The following MBNL3 variants were observed in gnomAD, a reference collection of about 807,000 sequenced individuals.
MBNL3 encodes the protein muscleblind like splicing regulator 3.
A neutral mutation model predicts 24.5 loss-of-function variants in MBNL3; 6 were observed. That is an observed-to-expected ratio of 0.25 (90% CI 0.13 to 0.48). The LOEUF is 0.48. Among genes scored for constraint, MBNL3 ranks in the 20% least tolerant of loss-of-function variants. MBNL3 has a pLI of 0.99. For synonymous variants in MBNL3, 100 were observed against 101.7 expected, an observed-to-expected ratio of 0.98 and a Z score of 0.10; for missense variants, 230 against 293.5, an observed-to-expected ratio of 0.78 and a Z score of 1.58.
At chrX:132,420,220 A>G (rs1196025644) in intron 2 of MBNL3, among the ~76,000 whole-genome samples, 1 of 112,265 alleles carries the variant, frequency 8.9e-6, no homozygotes, top group Admixed American at 9.4e-5. Context: ...TCCGGGCACT[A>G]GCCATGCAGG....
At position 132,378,483 on chromosome X, in the gene MBNL3, T is replaced by C. The variant is rs1276480905; in HGVS notation, c.*1183A>G. On this transcript the variant is annotated 3_prime_UTR_variant, in exon 9 of 9. Transcript: ENST00000370853. ...TTTTGCTAGATTGCATCTTACTTGT[T>C]ATTCAAAGAGTAGTCTAAAGAGCAT... is the stretch of plus-strand genomic sequence containing the variant. 2 of 111,809 alleles carry C rather than the reference T, an allele frequency of 1.8e-5. No individual in the cohort carries two copies. 9.2% of individuals were successfully genotyped at this position (111,809 alleles called of 1,213,427 possible).
intron 2 of MBNL3, chrX:132,411,300 G>C: frequency 1.3e-6 from 1 of 753,860 alleles, no homozygotes; most frequent in Non-Finnish European, 1.6e-6. Context: ...GAGAAGCTGG[G>C]GTGAGAGCAG....
At chrX:132,397,853 C>T (rs1330013819) in intron 3 of MBNL3, among the ~76,000 whole-genome samples, 2 of 110,637 alleles carry the variant, frequency 1.8e-5, no homozygotes, top group African/African-American at 6.6e-5. Context: ...AGTAATGTTC[C>T]GTGGGGACTG....
At chrX:132,426,136 A>G (rs1944286686) in intron 2 of MBNL3, among the ~76,000 whole-genome samples, 1 of 112,177 alleles carries the variant, frequency 8.9e-6, no homozygotes, top group African/African-American at 3.2e-5. Context: ...AAGTGTTTCA[A>G]CAATCTCATG....
intron 2 of MBNL3, among the ~76,000 whole-genome samples, chrX:132,437,162 G>T (rs1207777440): frequency 9.0e-6 from 1 of 111,207 alleles, no homozygotes; most frequent in Non-Finnish European, 1.9e-5. Flanking sequence ...TGGAATTACT[G>T]ACCTGAGTTT....
chrX:132,412,023 C>G (rs748983199), intron 2 of MBNL3, among the ~76,000 whole-genome samples: 72 of 111,874 alleles, frequency 6.4e-4, no homozygotes, highest in Non-Finnish European at 7.3e-4. Flanking sequence ...GAGGCTGCCC[C>G]TGGTTGTCTG....
At chrX:132,420,028 G>A (rs1400263443) in intron 2 of MBNL3, among the ~76,000 whole-genome samples, 1 of 111,079 alleles carries the variant, frequency 9.0e-6, no homozygotes, top group Non-Finnish European at 1.9e-5. Flanking sequence ...CTAAGATGGT[G>A]GCCGGCCACT....
At chrX:132,402,841 C>G (rs191369765) in intron 3 of MBNL3, among the ~76,000 whole-genome samples, 2 of 111,903 alleles carry the variant, frequency 1.8e-5, no homozygotes, top group East Asian at 5.6e-4. Flanking sequence ...GGTTGACATT[C>G]CCTTTATCTA....
Position 132,373,525 on chromosome X carries a change from T to G in MBNL3, c.*6141A>C, listed in dbSNP as rs1235994727. 8.9e-6 allele frequency: 1 copy of G among 111,794 alleles called. No homozygotes were observed. The highest frequency in any genetic ancestry group is 1.9e-5 in the Non-Finnish European group (1 of 53,038). 9.2% of individuals were successfully genotyped at this position (111,794 alleles called of 1,213,427 possible). A position where few individuals can be genotyped will look rare whatever the true frequency, so the allele number is the denominator to read the frequency against. On this transcript the variant is annotated 3_prime_UTR_variant, in exon 9 of 9. Coordinates refer to ENST00000370853, the MANE Select transcript of MBNL3 (RefSeq NM_001386889.1). ...TGAGGTATTGGACAACTGTAAGGCT[T>G]GGATTGCTTTCTGGCTTTGGCTTAT...
At chrX:132,396,333 T>C in intron 3 of MBNL3, among the ~76,000 whole-genome samples, 1 of 65,844 alleles carries the variant, frequency 1.5e-5, no homozygotes, top group South Asian at 5.7e-4. Context: ...TTCATATATA[T>C]TCATATATAT....
intron 2 of MBNL3, among the ~76,000 whole-genome samples, chrX:132,416,549 A>G (rs1056248347): frequency 9.0e-6 from 1 of 111,470 alleles, no homozygotes; most frequent in African/African-American, 3.3e-5. Context: ...AGTTAATAAC[A>G]ATTTATTGTA....
rs761905529 is a variant in MBNL3, at chrX:132,439,495, A to G, written c.117T>C (p.His39=). ...TTTCCACATGGCAAACTCTTGGTGG[A>G]TGGGCAAACTTGCAATCTGCATCAG... is the stretch of plus-strand genomic sequence containing the variant. ...SRADADCKFA[H]PPRVCHVENG... is the part of the protein sequence containing the mutation. Residue 39 remains histidine, a synonymous_variant, in exon 2 of 9, where the codon CAT becomes CAC. Coordinates refer to ENST00000370853, the MANE Select transcript of MBNL3 (RefSeq NM_001386889.1). 30 of 1,206,853 alleles carry G rather than the reference A, an allele frequency of 2.5e-5. No homozygotes were observed. Among genetic ancestry groups the G allele is most frequent in the Non-Finnish European group, 3.4e-5 (30 of 893,947 alleles).
At chrX:132,444,901 C>T (rs1945616499) in intron 1 of MBNL3, among the ~76,000 whole-genome samples, 1 of 111,589 alleles carries the variant, frequency 9.0e-6, no homozygotes, top group African/African-American at 3.3e-5. Context: ...CTAATGGAAA[C>T]AGTAACTTGT....
At chrX:132,438,909 C>T (rs759490195) in intron 2 of MBNL3, among the ~76,000 whole-genome samples, 21 of 108,781 alleles carry the variant, frequency 1.9e-4, no homozygotes, top group Admixed American at 1.4e-3. Flanking sequence ...TACTTTGAGA[C>T]GCTTCAAAAT....
intron 5 of MBNL3, among the ~76,000 whole-genome samples, chrX:132,388,177 C>T (rs1369058740): frequency 9.0e-6 from 1 of 111,388 alleles, no homozygotes; most frequent in Non-Finnish European, 1.9e-5. Context: ...ACTGTCAGTG[C>T]ACACACTGTG....
At chrX:132,388,881 C>T (rs1214578773) in intron 5 of MBNL3, among the ~76,000 whole-genome samples, 1 of 111,371 alleles carries the variant, frequency 9.0e-6, no homozygotes, top group Non-Finnish European at 1.9e-5. Context: ...TTCATGAAGC[C>T]CTCCTTTATT....
At chrX:132,463,017 G>T (rs1404426938) in intron 1 of MBNL3, among the ~76,000 whole-genome samples, 1 of 111,964 alleles carries the variant, frequency 8.9e-6, no homozygotes, top group Non-Finnish European at 1.9e-5. Context: ...ATAACGTAAA[G>T]AATCAAGTTC....
intron 1 of MBNL3, among the ~76,000 whole-genome samples, chrX:132,456,390 C>T (rs1186402565): frequency 1.8e-5 from 2 of 112,100 alleles, no homozygotes; most frequent in African/African-American, 6.5e-5. Flanking sequence ...TATCATATGA[C>T]GCATTCTAAA....
chrX:132,476,166 T>C (rs1003155994), intron 1 of MBNL3, among the ~76,000 whole-genome samples: 2 of 111,784 alleles, frequency 1.8e-5, no homozygotes, highest in South Asian at 7.6e-4. Context: ...TGAGGAATAA[T>C]ATGAGCCAGA....
Sources: gnomAD v4.1 joint callset for allele counts (sites outside exome capture counted in the v4.1 genomes callset) on GRCh38, gnomAD v4.1.1 for gene constraint, MANE v1.5 for transcripts, NCBI Gene and HGNC (gene_info 2026-07-23, HGNC 2026-07-21) for gene names.